RAB11B: variants seen among roughly 807,000 people sequenced by gnomAD.
RAB11B encodes RAB11B, member RAS oncogene family.
A neutral mutation model predicts 23.7 loss-of-function variants in RAB11B; 7 were observed. The observed-to-expected ratio is 0.29, with a 90% CI of 0.17 to 0.55. The LOEUF (loss-of-function observed/expected upper bound fraction) is 0.55. Ranked by LOEUF, RAB11B falls within the 20% of genes least tolerant of loss-of-function variation. RAB11B has a pLI of 0.93. For missense variants in RAB11B, 189 were observed against 320.0 expected, an observed-to-expected ratio of 0.59 and a Z score of 3.12; for synonymous variants, 138 against 132.0, an observed-to-expected ratio of 1.05 and a Z score of -0.31.
intron 4 of RAB11B, 101 bp downstream of exon 4, chr19:8,402,666 T>TTTTTG (rs1002530230): frequency 3.0e-5 from 29 of 975,670 alleles, no homozygotes; most frequent in South Asian, 9.2e-5. Context: ...TGTTTTTTTC[T>TTTTTG]TTTTTTTGTC....
At chr19:8,390,497 G>C (rs370405372) in intron 1 of RAB11B, 41 bp downstream of exon 1, 40 of 1,474,628 alleles carry the variant, frequency 2.7e-5, no homozygotes, top group Admixed American at 8.1e-5. Context: ...TCGTGGCGGC[G>C]AGGCGGCGGG....
chr19:8,399,840 C>CAG, intron 1 of RAB11B, 23 bp from the exon 2 acceptor site: 1 of 1,606,266 alleles, frequency 6.2e-7, no homozygotes, highest in Non-Finnish European at 8.5e-7. Flanking sequence ...TGGGGATTCA[C>CAG]AGAACCTCGC....
rs529748362 is a variant in RAB11B at position 8,399,541 on chromosome 19, G to A, written c.41-322G>A. 3.3e-4 allele frequency among the ~76,000 whole-genome samples: 50 copies of A among 152,364 alleles called. 1 individual carries two copies. In the South Asian group the frequency reaches 4.6e-3, roughly 14 times the overall value. ...CCCAGCCACCAGGCTGCAGGTGGAG[G>A]CTCAGGGTTGATGGATCTCAAGCTG... On this transcript the variant is annotated intron_variant, in intron 1 of 4. Coordinates refer to ENST00000328024, the MANE Select transcript of RAB11B (RefSeq NM_004218.4).
intron 1 of RAB11B, among the ~76,000 whole-genome samples, chr19:8,394,682 G>A (rs1413599856): frequency 6.6e-6 from 1 of 152,140 alleles, no homozygotes; most frequent in Non-Finnish European, 1.5e-5. Context: ...TGGAATCCTA[G>A]TACTTTGGAA....
intron 1 of RAB11B, among the ~76,000 whole-genome samples, chr19:8,391,602 G>A (rs1272751333): frequency 6.6e-6 from 1 of 152,216 alleles, no homozygotes; most frequent in African/African-American, 2.4e-5. Context: ...GGGCTCCCTG[G>A]CTGACAATGG....
At chr19:8,399,288 A>G (rs920143728) in intron 1 of RAB11B, among the ~76,000 whole-genome samples, 12 of 152,096 alleles carry the variant, frequency 7.9e-5, no homozygotes, top group African/African-American at 2.4e-4. Flanking sequence ...GGATTTCACC[A>G]TGTTGGCCAG....
intron 1 of RAB11B, among the ~76,000 whole-genome samples, chr19:8,393,342 A>C (rs569673384): frequency 4.6e-5 from 7 of 152,248 alleles, no homozygotes; most frequent in African/African-American, 1.4e-4. Context: ...GGCCCTGGCC[A>C]ATCAGGGCTC....
chr19:8,402,328 G>A (rs750449212), intron 3 of RAB11B, 49 bp downstream of exon 3: 28 of 1,532,198 alleles, frequency 1.8e-5, no homozygotes, highest in African/African-American at 9.6e-5. Flanking sequence ...GAAGGCAGGA[G>A]GCCCCTCACA....
chr19:8,399,352 C>T (rs1022142264), intron 1 of RAB11B, among the ~76,000 whole-genome samples: 1 of 152,202 alleles, frequency 6.6e-6, no homozygotes, highest in Non-Finnish European at 1.5e-5. Context: ...CCTCTCAAAG[C>T]ATTGAGATTA....
intron 1 of RAB11B, among the ~76,000 whole-genome samples, chr19:8,391,379 G>C (rs1281637380): frequency 6.6e-6 from 1 of 152,244 alleles, no homozygotes; most frequent in Non-Finnish European, 1.5e-5. Context: ...CTTCCAACAC[G>C]TGCGCACTGA....
At position 8,390,384 on chromosome 19, in the gene RAB11B, G is replaced by T. The variant is rs751111340; in HGVS notation, c.-33G>T. ...CGTCGGGTGTTTGTGGTGGGGCTGCGGAGTCGCCGATCCCGCCGGAAGCGC... is the reference window on the plus strand; with the variant it reads ...CGTCGGGTGTTTGTGGTGGGGCTGCTGAGTCGCCGATCCCGCCGGAAGCGC... On this transcript the variant is annotated 5_prime_UTR_variant, in exon 1 of 5. Transcript: ENST00000328024. The T allele has an allele frequency of 6.6e-7, 1 of 1,523,942 alleles. No individual in the cohort carries two copies. The highest frequency in any genetic ancestry group is 8.8e-7 in the Non-Finnish European group (1 of 1,139,332). The allele number at this position is 1,523,942 out of a possible 1,614,324, so 94.4% of individuals were successfully genotyped here.
chr19:8,403,053 C>A, intron 4 of RAB11B: 1 of 338,472 alleles, frequency 3.0e-6, no homozygotes, highest in Non-Finnish European at 5.4e-6. Flanking sequence ...CCAGGTCTAG[C>A]CCTTGCTGGC....
chr19:8,403,884 C>T lies in RAB11B; in HGVS notation c.*326C>T, dbSNP rs1448194758. The T allele has an allele frequency of 1.2e-5, 3 of 256,800 alleles. No homozygotes were observed. The highest frequency in any genetic ancestry group is 5.5e-5 in the Admixed American group (1 of 18,212). The allele number at this position is 256,800 out of a possible 1,614,324, so 15.9% of individuals were successfully genotyped here. On this transcript the variant is annotated 3_prime_UTR_variant, in exon 5 of 5. Transcript: ENST00000328024. Reference sequence around the variant, plus strand: ...CGCCGCCTTCTCCCCTTTTCCTTGGCCGACTCTAGGGAGCGATTGCCTCCC... The same window carrying T: ...CGCCGCCTTCTCCCCTTTTCCTTGGTCGACTCTAGGGAGCGATTGCCTCCC...
chr19:8,393,663 T>A (rs1408009903), intron 1 of RAB11B, among the ~76,000 whole-genome samples: 1 of 152,204 alleles, frequency 6.6e-6, no homozygotes, highest in Non-Finnish European at 1.5e-5. Flanking sequence ...ATAGAAGAGC[T>A]GAGACAAGAG....
intron 1 of RAB11B, among the ~76,000 whole-genome samples, chr19:8,391,028 G>A (rs929515394): frequency 2.0e-5 from 3 of 152,044 alleles, no homozygotes; most frequent in Non-Finnish European, 4.4e-5. Flanking sequence ...TGGGAGCCTT[G>A]GATTGGGGTG....
At chr19:8,399,753 C>T (rs1971423241) in intron 1 of RAB11B, 110 bp from the exon 2 acceptor site, 1 of 1,274,200 alleles carries the variant, frequency 7.8e-7, no homozygotes, top group Non-Finnish European at 1.1e-6. Context: ...TCGACTCCTC[C>T]ACACCGTTGG....
intron 4 of RAB11B, 40 bp from the exon 5 acceptor site, chr19:8,403,373 G>T: frequency 6.3e-7 from 1 of 1,582,986 alleles, no homozygotes; most frequent in Non-Finnish European, 8.6e-7. Flanking sequence ...GGCAGGGCAC[G>T]TGCTGGCTCA....
intron 1 of RAB11B, among the ~76,000 whole-genome samples, chr19:8,398,614 T>C (rs985700430): frequency 1.2e-4 from 19 of 152,216 alleles, no homozygotes; most frequent in East Asian, 5.8e-4. Context: ...CTCAGCCATC[T>C]GTGCCGAAGC....
At position 8,403,667 on chromosome 19, in the gene RAB11B, C is replaced by T. The variant is rs1249356815; in HGVS notation, c.*109C>T. The T allele has an allele frequency of 1.4e-5, 20 of 1,456,836 alleles. No homozygotes were observed. The highest frequency in any genetic ancestry group is 1.8e-5 in the Non-Finnish European group (19 of 1,083,706). 90.2% of individuals were successfully genotyped at this position (1,456,836 alleles called of 1,614,324 possible). The stretch of plus-strand genomic sequence containing the variant: ...TGTGGCCGGCTCGTTCCAGCCCTCC[C>T]AGTGAGCTCTGCACGGCCGGGCCGG... On this transcript the variant is annotated 3_prime_UTR_variant, in exon 5 of 5. Transcript: ENST00000328024.
Sources: allele counts gnomAD v4.1 joint callset (sites outside exome capture counted in the v4.1 genomes callset), GRCh38; gene constraint gnomAD v4.1.1; transcripts MANE v1.5; gene names NCBI Gene and HGNC (gene_info 2026-07-23, HGNC 2026-07-21).